The following ORMDL1 variants were observed in gnomAD, a reference collection of about 807,000 sequenced individuals.
ORMDL1 encodes ORMDL sphingolipid biosynthesis regulator 1, also known as ORM1-like protein 1.
A neutral mutation model predicts 13.0 loss-of-function variants in ORMDL1; 10 were observed. The ratio of observed to expected loss-of-function variants is 0.77; its 90% CI spans 0.47 to 1.30. ORMDL1 has a LOEUF of 1.30. Ranked by LOEUF, ORMDL1 falls within the 50% of genes most tolerant of loss-of-function variation. The probability of loss-of-function intolerance (pLI) is 0.00; values close to 1 mark genes in which losing one functional copy is unlikely to be tolerated. For synonymous variants in ORMDL1, 61 were observed against 63.9 expected (o/e 0.95, Z 0.22); for missense variants, 171 against 186.7 (o/e 0.92, Z 0.49).
chr2:189,766,275 T>C (rs1010973284), downstream of ORMDL1, among the ~76,000 whole-genome samples: 3 of 152,260 alleles, frequency 2.0e-5, no homozygotes, highest in African/African-American at 7.2e-5. Context: ...AATTAACTTT[T>C]CTGAACTTTA....
chr2:189,764,890 T>C, the ORMDL1 span: 1 of 152,098 alleles, frequency 6.6e-6, no homozygotes, highest in South Asian at 2.1e-4. Context: ...TGGAGTGCAG[T>C]GGTGCCATCT....
rs959372985 is a variant in ORMDL1 at position 189,774,126 on chromosome 2, A to G, written c.326+1439T>C. The G allele has an allele frequency of 5.7e-4, 86 of 152,154 alleles. 4 individuals are homozygous for G. Among genetic ancestry groups the G allele is most frequent in the Non-Finnish European group, 2.9e-5 (2 of 68,024 alleles). The allele number at this position is 152,154 out of a possible 1,614,324, so 9.4% of individuals were successfully genotyped here. A position where few individuals can be genotyped will look rare whatever the true frequency, so the allele number is the denominator to read the frequency against. On this transcript the variant is annotated intron_variant, in intron 4 of 4. Coordinates refer to ENST00000392349, the MANE Select transcript of ORMDL1 (RefSeq NM_016467.5). ...AAATTCAGGGCCATCTGAATAACCA[A>G]TATTTTTGTTATTACATGCATGCAT... is the stretch of plus-strand genomic sequence containing the variant.
chr2:189,772,552 C>G (rs1196124050), intron 4 of ORMDL1, among the ~76,000 whole-genome samples: 1 of 152,132 alleles, frequency 6.6e-6, no homozygotes, highest in Non-Finnish European at 1.5e-5. Context: ...AGCCCCAAGC[C>G]TAAAAAGCAC....
chr2:189,765,266 T>C, the ORMDL1 span: 2 of 152,242 alleles, frequency 1.3e-5, no homozygotes, highest in Non-Finnish European at 2.9e-5. Context: ...ATAAGGTCCA[T>C]TCTCTGTTCT....
At chr2:189,764,286 A>G in the ORMDL1 span, 1 of 152,236 alleles carries the variant, frequency 6.6e-6, no homozygotes, top group Non-Finnish European at 1.5e-5. Flanking sequence ...AACCTTTCAC[A>G]TCAGGTATTA....
rs1454979170 is a variant in ORMDL1 at position 189,782,409 on chromosome 2, G to A, written c.174+13C>T. 2 of 1,603,284 alleles carry A rather than the reference G, an allele frequency of 1.2e-6. No homozygotes were observed. The highest frequency in any genetic ancestry group is 1.7e-5 in the Admixed American group (1 of 59,442). ...AAAACTTTTAAGTGTTTAGTATAAT[G>A]TGAAATTCTTACCAGATTATGTATA... On this transcript the variant is annotated intron_variant, in intron 3 of 4. Transcript: ENST00000392349.
intron 3 of ORMDL1, among the ~76,000 whole-genome samples, chr2:189,779,799 A>G (rs960245401): frequency 6.6e-6 from 1 of 152,240 alleles, no homozygotes; most frequent in African/African-American, 2.4e-5. Flanking sequence ...AGTTGAGAGT[A>G]AAGCAGTAGA....
chr2:189,775,195 A>C, intron 4 of ORMDL1: 1 of 157,308 alleles, frequency 6.4e-6, no homozygotes, highest in Non-Finnish European at 1.4e-5. Context: ...GGCCAGTGAA[A>C]TTCTTCTCAT....
rs368782090 is a variant in ORMDL1, at chr2:189,782,415, T to G, written c.174+7A>C. The G allele has an allele frequency of 3.0e-4, 480 of 1,607,406 alleles. 1 individual carries two copies. Among genetic ancestry groups the G allele is most frequent in the Non-Finnish European group, 3.8e-4 (441 of 1,174,992 alleles). ...TTTAAGTGTTTAGTATAATGTGAAA[T>G]TCTTACCAGATTATGTATAATATTT... On this transcript the variant is annotated splice_region_variant and intron_variant, in intron 3 of 4. Coordinates refer to ENST00000392349, the MANE Select transcript of ORMDL1 (RefSeq NM_016467.5).
intron 3 of ORMDL1, among the ~76,000 whole-genome samples, chr2:189,782,184 GC>G (rs1332209022): frequency 6.6e-6 from 1 of 152,028 alleles, no homozygotes; most frequent in Admixed American, 6.6e-5. Flanking sequence ...CTTGTGATCT[GC>G]CTGCCTTGGC....
At chr2:189,773,456 C>T (rs2047623791) in intron 4 of ORMDL1, among the ~76,000 whole-genome samples, 2 of 152,148 alleles carry the variant, frequency 1.3e-5, no homozygotes, top group Admixed American at 1.3e-4. Flanking sequence ...AATATGGTGG[C>T]TCACCCTGTA....
At chr2:189,764,441 T>C in the ORMDL1 span, 1 of 152,234 alleles carries the variant, frequency 6.6e-6, no homozygotes, top group Non-Finnish European at 1.5e-5. Context: ...CCGAATGCTG[T>C]TATTATGTGA....
downstream of ORMDL1, among the ~76,000 whole-genome samples, chr2:189,766,702 C>T (rs1316005002): frequency 6.7e-6 from 1 of 148,354 alleles, no homozygotes; most frequent in Non-Finnish European, 1.5e-5. Context: ...CCAGCCTAGG[C>T]AACAGAAGGA....
intron 3 of ORMDL1, among the ~76,000 whole-genome samples, chr2:189,777,682 C>CT (rs1231101591): frequency 1.3e-5 from 2 of 152,078 alleles, no homozygotes; most frequent in Non-Finnish European, 2.9e-5. Context: ...ATGCTTAGTC[C>CT]TTACTAAATA....
At chr2:189,782,759 C>T in intron 2 of ORMDL1, 157 bp from the exon 3 acceptor site, 1 of 581,244 alleles carries the variant, frequency 1.7e-6, no homozygotes, top group African/African-American at 1.8e-5. Context: ...CTTGTAGATG[C>T]TGATGACAGC....
At chr2:189,780,977 G>A (rs751734109) in intron 3 of ORMDL1, among the ~76,000 whole-genome samples, 5 of 152,224 alleles carry the variant, frequency 3.3e-5, no homozygotes, top group Middle Eastern at 3.4e-3. Context: ...GCAGTGGCAC[G>A]ATCTTGGCTC....
downstream of ORMDL1, among the ~76,000 whole-genome samples, chr2:189,769,575 G>A (rs1196638843): frequency 6.6e-6 from 1 of 151,986 alleles, no homozygotes; most frequent in East Asian, 1.9e-4. Flanking sequence ...AAAGGATGGG[G>A]GCAGGTCAAA....
At chr2:189,781,646 T>G (rs11883813) in intron 3 of ORMDL1, among the ~76,000 whole-genome samples, 2,754 of 151,972 alleles carry the variant, frequency 0.018, 93 homozygotes, top group African/African-American at 0.063. Flanking sequence ...ACTAAAATGA[T>G]CTATTTTCTA....
rs1396954611 is a variant in ORMDL1 at position 189,770,704 on chromosome 2, C to CA, written c.*1062dup. 4 of 152,082 alleles carry CA rather than the reference C, an allele frequency of 2.6e-5. No individual in the cohort carries two copies. The highest frequency in any genetic ancestry group is 5.9e-5 in the Non-Finnish European group (4 of 68,024). 9.4% of individuals were successfully genotyped at this position (152,082 alleles called of 1,614,324 possible). On this transcript the variant is annotated 3_prime_UTR_variant, in exon 5 of 5. Coordinates refer to ENST00000392349, the MANE Select transcript of ORMDL1 (RefSeq NM_016467.5). The stretch of plus-strand genomic sequence containing the variant: ...TTCAATGTGGTTGCTGTTCTGGAGA[C>CA]AGTTACCATTTTGGGCTATATATAC...
Sources: gnomAD v4.1 joint callset for allele counts (sites outside exome capture counted in the v4.1 genomes callset) on GRCh38, gnomAD v4.1.1 for gene constraint, MANE v1.5 for transcripts, NCBI Gene and HGNC (gene_info 2026-07-23, HGNC 2026-07-21) for gene names.